RAD18: variants seen among roughly 807,000 people sequenced by gnomAD.
RAD18 encodes the protein RAD18 E3 ubiquitin protein ligase.
Under a neutral mutation model 60.4 loss-of-function variants are expected in RAD18, and 47 were observed. The observed-to-expected ratio is 0.78, with a 90% confidence interval of 0.62 to 0.99. The LOEUF (loss-of-function observed/expected upper bound fraction) is 0.99, where lower values mean the gene tolerates loss of function less well. RAD18 is among the 50% of genes least tolerant of loss of function. The pLI is 0.00. For synonymous variants in RAD18, 225 were observed against 195.5 expected (o/e 1.15, Z -1.26); for missense variants, 640 against 593.3 (o/e 1.08, Z -0.82).
At chr3:8,920,175 A>C (rs973947786) in intron 7 of RAD18, among the ~76,000 whole-genome samples, 1 of 146,606 alleles carries the variant, frequency 6.8e-6, no homozygotes, top group African/African-American at 2.5e-5. Context: ...GCTACTCGGG[A>C]GGCTGAGGCA....
At chr3:8,899,102 T>C (rs1257123974) in intron 10 of RAD18, 55 bp from the exon 11 acceptor site, 8 of 1,386,266 alleles carry the variant, frequency 5.8e-6, no homozygotes, top group Non-Finnish European at 6.9e-6. Flanking sequence ...TGTATGCCTA[T>C]TACTTCTGCA....
chr3:8,884,589 A>C (rs1268186726), intron 12 of RAD18, among the ~76,000 whole-genome samples: 1 of 151,388 alleles, frequency 6.6e-6, no homozygotes, highest in African/African-American at 2.4e-5. Flanking sequence ...CTCTATTCTC[A>C]TACCTTGTTT....
chr3:8,891,492 T>C (rs1939692270), intron 11 of RAD18, among the ~76,000 whole-genome samples: 2 of 152,168 alleles, frequency 1.3e-5, no homozygotes, highest in African/African-American at 4.8e-5. Context: ...ACATTTGCAG[T>C]ACACTAATGA....
intron 5 of RAD18, 89 bp from the exon 6 acceptor site, chr3:8,939,742 A>G: frequency 9.1e-7 from 1 of 1,103,140 alleles, no homozygotes; most frequent in South Asian, 1.5e-5. Context: ...CAAGTAAAGT[A>G]AAAAAGAATC....
chr3:8,922,222 T>C (rs574040323), intron 7 of RAD18, among the ~76,000 whole-genome samples: 74 of 152,234 alleles, frequency 4.9e-4, no homozygotes, highest in Middle Eastern at 3.4e-3. Context: ...ACCTGGAAAA[T>C]TGGGTCACTC....
intron 4 of RAD18, among the ~76,000 whole-genome samples, chr3:8,945,314 T>C (rs927287638): frequency 6.6e-6 from 1 of 152,174 alleles, no homozygotes; most frequent in African/African-American, 2.4e-5. Flanking sequence ...AGGTACCTCA[T>C]AGAATGTTCC....
intron 4 of RAD18, among the ~76,000 whole-genome samples, chr3:8,944,391 G>A (rs1940805156): frequency 6.6e-6 from 1 of 152,088 alleles, no homozygotes; most frequent in Non-Finnish European, 1.5e-5. Flanking sequence ...TTTCTTCAGT[G>A]TGGACATGGT....
chr3:8,905,979 T>C (rs1939995167), intron 9 of RAD18, among the ~76,000 whole-genome samples: 1 of 152,210 alleles, frequency 6.6e-6, no homozygotes, highest in African/African-American at 2.4e-5. Flanking sequence ...CAACTGTCCT[T>C]GCTATAATTA....
intron 7 of RAD18, among the ~76,000 whole-genome samples, chr3:8,919,056 T>C (rs1453023636): frequency 6.6e-6 from 1 of 152,216 alleles, no homozygotes. Context: ...ACATGTGAAA[T>C]TGTTTACAAT....
chr3:8,908,872 C>T (rs537209692), intron 9 of RAD18, among the ~76,000 whole-genome samples: 13 of 152,306 alleles, frequency 8.5e-5, no homozygotes, highest in Non-Finnish European at 1.5e-4. Context: ...ATATCCCCAG[C>T]TCCGAGCACA....
Position 8,958,999 on chromosome 3 carries a change from T to C in RAD18, c.54A>G (p.Thr18=), listed in dbSNP as rs758437179. The change falls in exon 2 of 13, where the codon ACA becomes ACG. Residue 18 remains threonine, a splice_region_variant and synonymous_variant. Transcript: ENST00000264926. Reference sequence around the variant, plus strand: ...TTCCACACCGCAGCAAATCATCTATTGTCTGAAATGCAAATATGCATATAT... The same window carrying C: ...TTCCACACCGCAGCAAATCATCTATCGTCTGAAATGCAAATATGCATATAT... ...RWPPGLAVMK[T]IDDLLRCGIC... is the part of the protein sequence containing the mutation. 3.1e-6 allele frequency: 5 copies of C among 1,613,158 alleles called. No homozygotes were observed. Among genetic ancestry groups the C allele is most frequent in the Non-Finnish European group, 4.2e-6 (5 of 1,179,272 alleles).
At chr3:8,913,212 T>C (rs373949454) in intron 8 of RAD18, among the ~76,000 whole-genome samples, 1 of 152,160 alleles carries the variant, frequency 6.6e-6, no homozygotes, top group African/African-American at 2.4e-5. Flanking sequence ...GAATATTCCA[T>C]CCTCAAATTA....
intron 9 of RAD18, among the ~76,000 whole-genome samples, chr3:8,911,441 C>T (rs976872021): frequency 2.6e-5 from 4 of 152,184 alleles, no homozygotes; most frequent in Admixed American, 1.3e-4. Context: ...AAAAATCACT[C>T]TGACATCCTA....
At chr3:8,920,631 T>A (rs1221573259) in intron 7 of RAD18, among the ~76,000 whole-genome samples, 3 of 151,032 alleles carry the variant, frequency 2.0e-5, no homozygotes, top group Non-Finnish European at 4.4e-5. Context: ...GTCAAATGGC[T>A]CTAGATGTAA....
chr3:8,906,384 T>C (rs1172949085), intron 9 of RAD18, among the ~76,000 whole-genome samples: 1 of 152,088 alleles, frequency 6.6e-6, no homozygotes, highest in East Asian at 1.9e-4. Flanking sequence ...ATTTTTTTGC[T>C]CTCCTTAACA....
chr3:8,912,599 G>C, intron 8 of RAD18: 1 of 299,976 alleles, frequency 3.3e-6, no homozygotes. Flanking sequence ...AATGCAACAT[G>C]ATTCAATTAT....
At position 8,933,097 on chromosome 3, in the gene RAD18, A is replaced by AAAAT. The variant is rs1338853015; in HGVS notation, c.889+2770_889+2773dup. Among the ~76,000 whole-genome samples the AAAAT allele has an allele frequency of 8.3e-5, 9 of 108,912 alleles. No individual in the cohort carries two copies. The East Asian group carries it at 1.1e-3, about 13-fold the overall frequency. 71.5% of individuals were successfully genotyped at this position (108,912 alleles called of 152,430 possible). The stretch of plus-strand genomic sequence containing the variant: ...GCCGACAGAGAGAGACTCTGTCTCA[A>AAAAT]AAATAAATAAATAAATAAAATAAAA... On this transcript the variant is annotated intron_variant, in intron 7 of 12. Coordinates refer to ENST00000264926, the MANE Select transcript of RAD18 (RefSeq NM_020165.4).
At chr3:8,896,245 A>T (rs919950319) in intron 11 of RAD18, among the ~76,000 whole-genome samples, 3 of 152,254 alleles carry the variant, frequency 2.0e-5, no homozygotes, top group East Asian at 3.8e-4. Flanking sequence ...CTTTAAAAAC[A>T]TGATAGATTC....
At chr3:8,936,145 G>A (rs867960736) in intron 6 of RAD18, 90 bp from the exon 7 acceptor site, 7 of 1,240,312 alleles carry the variant, frequency 5.6e-6, no homozygotes, top group African/African-American at 4.7e-5. Flanking sequence ...TCAACACCTG[G>A]GTGACCGGGA....
Sources: gnomAD v4.1 joint callset for allele counts (sites outside exome capture counted in the v4.1 genomes callset) on GRCh38, gnomAD v4.1.1 for gene constraint, MANE v1.5 for transcripts, NCBI Gene and HGNC (gene_info 2026-07-23, HGNC 2026-07-21) for gene names.